PTPRO: variants seen among roughly 807,000 people sequenced by gnomAD.
PTPRO encodes receptor-type tyrosine-protein phosphatase O.
In PTPRO, 62 loss-of-function variants were observed where a neutral mutation model predicts 145.2. The observed-to-expected ratio is 0.43, with a 90% CI of 0.35 to 0.53. The LOEUF is 0.53. PTPRO is among the 20% of genes least tolerant of loss of function. PTPRO has a pLI of 0.01. For synonymous variants in PTPRO, 565 were observed against 514.7 expected (o/e 1.10, Z -1.32); for missense variants, 1,345 against 1,482.7 (o/e 0.91, Z 1.53).
At chr12:15,401,642 A>G (rs1939496450) in intron 1 of PTPRO, among the ~76,000 whole-genome samples, 1 of 152,212 alleles carries the variant, frequency 6.6e-6, no homozygotes, top group Non-Finnish European at 1.5e-5. Context: ...ATAACTGAGA[A>G]TTCACAGTAT....
intron 1 of PTPRO, among the ~76,000 whole-genome samples, chr12:15,399,252 C>A (rs186148388): frequency 6.6e-6 from 1 of 152,290 alleles, no homozygotes; most frequent in East Asian, 1.9e-4. Context: ...AATTCCCTGC[C>A]AAGGCACTAT....
At chr12:15,574,430 T>C (rs1206730748) in intron 19 of PTPRO, among the ~76,000 whole-genome samples, 12 of 152,218 alleles carry the variant, frequency 7.9e-5, no homozygotes, top group Admixed American at 7.2e-4. Context: ...TTAATGTCTG[T>C]GCTTAGTGTT....
intron 1 of PTPRO, chr12:15,439,767 A>G (rs977869462): frequency 1.0e-5 from 6 of 589,272 alleles, no homozygotes; most frequent in Non-Finnish European, 1.9e-5. Flanking sequence ...GAGGAGATCT[A>G]CCTCTTCTCC....
chr12:15,466,731 A>T (rs1410676181), intron 1 of PTPRO, among the ~76,000 whole-genome samples: 1 of 152,164 alleles, frequency 6.6e-6, no homozygotes, highest in Non-Finnish European at 1.5e-5. Context: ...TTCTGTCTGT[A>T]TACGATGCAA....
chr12:15,395,352 A>G (rs1305150398), intron 1 of PTPRO, among the ~76,000 whole-genome samples: 2 of 152,094 alleles, frequency 1.3e-5, no homozygotes, highest in African/African-American at 4.8e-5. Flanking sequence ...GGAAGAAACA[A>G]AGCAAGGTTT....
At chr12:15,477,620 A>G (rs1356707549) in intron 1 of PTPRO, among the ~76,000 whole-genome samples, 2 of 152,040 alleles carry the variant, frequency 1.3e-5, no homozygotes, top group Non-Finnish European at 2.9e-5. Flanking sequence ...CAGCAAGGGT[A>G]TGGGGGCATT....
At chr12:15,367,746 C>G (rs181422429) in intron 1 of PTPRO, among the ~76,000 whole-genome samples, 3 of 152,252 alleles carry the variant, frequency 2.0e-5, no homozygotes, top group African/African-American at 7.2e-5. Flanking sequence ...AAGTGTGAAT[C>G]ATCTTTGACA....
chr12:15,322,603 T>A lies in PTPRO; in HGVS notation c.-124T>A. 1.3e-6 allele frequency: 1 copy of A among 794,580 alleles called. No homozygotes were observed. The allele number at this position is 794,580 out of a possible 1,614,324, so 49.2% of individuals were successfully genotyped here. On this transcript the variant is annotated 5_prime_UTR_variant, in exon 1 of 27. It removes an upstream start codon present in the reference 5' UTR. Coordinates refer to ENST00000281171, the MANE Select transcript of PTPRO (RefSeq NM_030667.3). This position sits in a 1 kb window ranked among gnomAD's most constrained non-coding sequence, Gnocchi z 6.3. The stretch of plus-strand genomic sequence containing the variant: ...GCGCAGGGGGACTGGAAAGGCAGCA[T>A]GCGCTCGCCAGGAGCAACCTCGGCG...
intron 15 of PTPRO, among the ~76,000 whole-genome samples, chr12:15,556,673 A>G (rs978945896): frequency 1.3e-5 from 2 of 152,194 alleles, no homozygotes; most frequent in African/African-American, 4.8e-5. Flanking sequence ...AAGATTTTGG[A>G]GGAAGTAAAC....
chr12:15,358,279 T>C (rs1315581647), intron 1 of PTPRO, among the ~76,000 whole-genome samples: 1 of 148,836 alleles, frequency 6.7e-6, no homozygotes, highest in South Asian at 2.2e-4. Flanking sequence ...ATATACCTAA[T>C]GCTAAATGAC....
intron 6 of PTPRO, among the ~76,000 whole-genome samples, chr12:15,504,780 T>C (rs1942288853): frequency 6.6e-6 from 1 of 152,126 alleles, no homozygotes; most frequent in African/African-American, 2.4e-5. Flanking sequence ...AGAATAAAAA[T>C]TGCTTTCAGA....
chr12:15,515,586 G>C lies in PTPRO; in HGVS notation c.1553G>C (p.Gly518Ala). 1.2e-6 allele frequency: 2 copies of C among 1,613,976 alleles called. No homozygotes were observed. The highest frequency in any genetic ancestry group is 1.7e-6 in the Non-Finnish European group (2 of 1,179,962). The change falls in exon 8 of 27, where the codon GGA becomes GCA. Residue 518 changes from glycine (G) to alanine (A), a missense_variant. This residue lies in a region of PTPRO where 1,130 missense variants were observed against 1,214.7 expected (regional missense o/e 0.93). Coordinates refer to ENST00000281171, the MANE Select transcript of PTPRO (RefSeq NM_030667.3). ...TACCTAAGGAAAGGCCCTTTGATTG[G>C]ACCACCTTCAGATCCTGTGACATTT... ...VIYLRKGPLI[G>A]PPSDPVTFAI... is the part of the protein sequence containing the mutation.
chr12:15,451,312 T>C (rs1313823429), intron 1 of PTPRO, among the ~76,000 whole-genome samples: 12 of 152,188 alleles, frequency 7.9e-5, no homozygotes, highest in Admixed American at 4.6e-4. Context: ...TATATATATA[T>C]GCACCTAACA....
intron 1 of PTPRO, among the ~76,000 whole-genome samples, chr12:15,372,718 T>G (rs1273058881): frequency 6.6e-6 from 1 of 152,158 alleles, no homozygotes; most frequent in Non-Finnish European, 1.5e-5. Flanking sequence ...TACATGAGGA[T>G]ACACAGGACA....
intron 7 of PTPRO, among the ~76,000 whole-genome samples, chr12:15,514,958 T>G (rs2136499947): frequency 6.6e-6 from 1 of 152,128 alleles, no homozygotes; most frequent in Admixed American, 6.5e-5. Flanking sequence ...AGAGACAGGG[T>G]TTCACTATGT....
At chr12:15,439,891 G>T (rs964755008) in intron 1 of PTPRO, 2 of 655,610 alleles carry the variant, frequency 3.1e-6, no homozygotes, top group Middle Eastern at 3.7e-4. Context: ...AGCACACCAA[G>T]TTCAAGGTGT....
intron 19 of PTPRO, among the ~76,000 whole-genome samples, chr12:15,574,695 G>T (rs1944140392): frequency 6.6e-6 from 1 of 151,988 alleles, no homozygotes; most frequent in Non-Finnish European, 1.5e-5. Flanking sequence ...CTTTCCTTTA[G>T]TCTAAACTAG....
chr12:15,464,672 CTT>C (rs1941378946), intron 1 of PTPRO, among the ~76,000 whole-genome samples: 1 of 151,872 alleles, frequency 6.6e-6, no homozygotes, highest in Non-Finnish European at 1.5e-5. Context: ...TTTATTTAGT[CTT>C]TATTATAAAT....
chr12:15,434,035 A>G (rs903687613), intron 1 of PTPRO, among the ~76,000 whole-genome samples: 1 of 152,158 alleles, frequency 6.6e-6, no homozygotes, highest in Admixed American at 6.5e-5. Flanking sequence ...ACAATGCAGC[A>G]CTGAATTCCC....
Sources: allele counts gnomAD v4.1 joint callset (sites outside exome capture counted in the v4.1 genomes callset), GRCh38; gene constraint gnomAD v4.1.1; regional missense constraint gnomAD v4.1.1; non-coding constraint Gnocchi (gnomAD v3.1); transcripts MANE v1.5; gene names NCBI Gene and HGNC (gene_info 2026-07-23, HGNC 2026-07-21).